The following KANK1 variants were observed in gnomAD, a reference collection of about 807,000 sequenced individuals.
The protein encoded by KANK1 is KN motif and ankyrin repeat domains 1.
In KANK1, 109 loss-of-function variants were observed where a neutral mutation model predicts 106.2. The ratio of observed to expected loss-of-function variants is 1.03; its 90% CI spans 0.88 to 1.20. The LOEUF (loss-of-function observed/expected upper bound fraction) is 1.20, where lower values mean the gene tolerates loss of function less well. Ranked by LOEUF, KANK1 falls within the 50% of genes most tolerant of loss-of-function variation. The pLI, the probability that KANK1 is intolerant of heterozygous loss-of-function variation, is 0.00. For synonymous variants in KANK1, 873 were observed against 652.2 expected, an observed-to-expected ratio of 1.34 and a Z score of -5.16; for missense variants, 2,399 against 1,710.7, an observed-to-expected ratio of 1.40 and a Z score of -7.10.
intron 7 of KANK1, chr9:735,869 C>T (rs1009713451): frequency 1.9e-4 from 52 of 267,200 alleles, no homozygotes; most frequent in Non-Finnish European, 2.7e-4. Flanking sequence ...GTGGTACACC[C>T]GTGTAATCCC....
At chr9:544,602 G>A (rs971160894) in intron 1 of KANK1, among the ~76,000 whole-genome samples, 1 of 152,202 alleles carries the variant, frequency 6.6e-6, no homozygotes, top group Non-Finnish European at 1.5e-5. Context: ...GAACCAGACA[G>A]ATATGCAGAG....
chr9:609,672 A>G (rs1047940393), intron 1 of KANK1, among the ~76,000 whole-genome samples: 3 of 152,168 alleles, frequency 2.0e-5, no homozygotes, highest in African/African-American at 7.2e-5. Flanking sequence ...TAGACTCAAT[A>G]GACATTGATC....
intron 1 of KANK1, among the ~76,000 whole-genome samples, chr9:671,623 A>AAAAAAAAAAAAGAAAAAG (rs79437342): frequency 2.9e-5 from 3 of 103,626 alleles, no homozygotes; most frequent in East Asian, 3.2e-4. Flanking sequence ...CTCAAAAAAA[A>AAAAAAAAAAAAGAAAAAG]AAAAGAGTGT....
intron 3 of KANK1, among the ~76,000 whole-genome samples, chr9:483,038 G>A (rs959663440): frequency 5.9e-5 from 9 of 152,236 alleles, no homozygotes; most frequent in South Asian, 2.1e-4. Flanking sequence ...CAGTGCTTGC[G>A]TCCAAGTAAC....
chr9:744,825 C>T (rs1836774930), intron 11 of KANK1: 3 of 1,427,476 alleles, frequency 2.1e-6, no homozygotes, highest in Non-Finnish European at 2.7e-6. Context: ...CACAGCTTCC[C>T]ATAGAGGTTT....
chr9:723,262 G>A (rs923656039), intron 3 of KANK1, among the ~76,000 whole-genome samples: 2 of 152,114 alleles, frequency 1.3e-5, no homozygotes, highest in African/African-American at 4.8e-5. Flanking sequence ...CTTGATTGGA[G>A]AAGCTTTAAA....
chr9:579,663 G>T (rs1396144364), intron 1 of KANK1, among the ~76,000 whole-genome samples: 1 of 152,140 alleles, frequency 6.6e-6, no homozygotes, highest in African/African-American at 2.4e-5. Context: ...GGTGGGTGCA[G>T]GGAGGCAGTA....
At chr9:525,296 A>G (rs938965791) in intron 1 of KANK1, among the ~76,000 whole-genome samples, 1 of 149,996 alleles carries the variant, frequency 6.7e-6, no homozygotes, top group Non-Finnish European at 1.5e-5. Context: ...CTCCCAGCCA[A>G]CTCTTGCTTC....
At chr9:658,169 G>A (rs568466786) in intron 1 of KANK1, among the ~76,000 whole-genome samples, 117 of 152,116 alleles carry the variant, frequency 7.7e-4, no homozygotes, top group African/African-American at 2.5e-3. Context: ...TCCTTTCCCC[G>A]TGATGATAAA....
intron 1 of KANK1, among the ~76,000 whole-genome samples, chr9:550,907 C>T (rs1317883962): frequency 3.3e-5 from 5 of 152,048 alleles, no homozygotes; most frequent in African/African-American, 1.2e-4. Flanking sequence ...TATGTTTTAG[C>T]AGTTTCTCCA....
intron 1 of KANK1, among the ~76,000 whole-genome samples, chr9:583,173 T>C (rs1822599806): frequency 6.6e-6 from 1 of 152,162 alleles, no homozygotes; most frequent in African/African-American, 2.4e-5. Context: ...CAAACACAGC[T>C]GGGAATAATT....
At chr9:496,141 G>A (rs1361324852) in intron 3 of KANK1, among the ~76,000 whole-genome samples, 1 of 152,134 alleles carries the variant, frequency 6.6e-6, no homozygotes, top group Non-Finnish European at 1.5e-5. Flanking sequence ...CTTCTTGTCT[G>A]CAAACTGTAG....
At chr9:733,883 C>A (rs1193212178) in intron 6 of KANK1, 1 of 152,182 alleles carries the variant, frequency 6.6e-6, no homozygotes, top group Non-Finnish European at 1.5e-5. Flanking sequence ...GAGGCTGAGG[C>A]AGGCAGGCAG....
chr9:508,740 C>A (rs1279888199), intron 1 of KANK1, among the ~76,000 whole-genome samples: 1 of 146,542 alleles, frequency 6.8e-6, no homozygotes, highest in African/African-American at 2.8e-5. Context: ...CAGTTATTTT[C>A]ACTGCTGTGT....
Position 710,977 on chromosome 9 carries a change from G to T in KANK1, c.211G>T (p.Val71Leu). ...CATCCAGAAGAGGCGGAAGCCGTCC[G>T]TGCCATGCCCAGAACCCAGGACCAC... Reference protein sequence around the residue: ...LNIQKRRKPSVPCPEPRTTSG... With the variant: ...LNIQKRRKPSLPCPEPRTTSG... The change falls in exon 3 of 12, where the codon GTG becomes TTG. Residue 71 changes from valine to leucine, a missense_variant. By Grantham distance (32) the Val-to-Leu change is conservative. Transcript: ENST00000382297. The T allele has an allele frequency of 6.2e-7, 1 of 1,614,144 alleles. No homozygotes were observed. The highest frequency in any genetic ancestry group is 8.5e-7 in the Non-Finnish European group (1 of 1,180,032).
At chr9:482,413 G>T (rs1250098029) in intron 3 of KANK1, among the ~76,000 whole-genome samples, 1 of 152,182 alleles carries the variant, frequency 6.6e-6, no homozygotes, top group Non-Finnish European at 1.5e-5. Flanking sequence ...AGCAGCAATT[G>T]ATGGCTTACA....
chr9:607,668 A>G (rs1421164512), intron 1 of KANK1, among the ~76,000 whole-genome samples: 1 of 151,374 alleles, frequency 6.6e-6, no homozygotes, highest in Non-Finnish European at 1.5e-5. Flanking sequence ...TGTTCTCTTC[A>G]CCCAGCCCAG....
intron 1 of KANK1, among the ~76,000 whole-genome samples, chr9:619,247 G>C (rs1407808767): frequency 5.9e-5 from 9 of 152,080 alleles, no homozygotes; most frequent in Non-Finnish European, 1.2e-4. Flanking sequence ...CTCAAGAATA[G>C]TTTGTATAAA....
At chr9:540,131 T>C (rs2060516885) in intron 1 of KANK1, among the ~76,000 whole-genome samples, 1 of 152,232 alleles carries the variant, frequency 6.6e-6, no homozygotes, top group South Asian at 2.1e-4. Context: ...AGGAAAGGCT[T>C]TCAGCTTTTT....
Sources: gnomAD v4.1 joint callset for allele counts (sites outside exome capture counted in the v4.1 genomes callset) on GRCh38, gnomAD v4.1.1 for gene constraint, MANE v1.5 for transcripts, NCBI Gene and HGNC (gene_info 2026-07-23, HGNC 2026-07-21) for gene names.